Variants in ANKRD34B observed in about 807,000 individuals in gnomAD.
ANKRD34B encodes the protein ankyrin repeat domain 34B.
In ANKRD34B, 2 loss-of-function variants were observed where a neutral mutation model predicts 4.4. The ratio of observed to expected loss-of-function variants is 0.46; its 90% CI spans 0.19 to 1.44. The LOEUF is 1.44. Ranked by LOEUF, ANKRD34B falls within the 40% of genes most tolerant of loss-of-function variation. The pLI, the probability that ANKRD34B is intolerant of heterozygous loss-of-function variation, is 0.26. For missense variants in ANKRD34B, 558 were observed against 604.7 expected (o/e 0.92, Z 0.81); for synonymous variants, 226 against 227.1 (o/e 0.99, Z 0.05).
At chr5:80,561,879 T>TAGTTAG (rs141737127) in intron 4 of ANKRD34B, among the ~76,000 whole-genome samples, 3,681 of 152,184 alleles carry the variant, frequency 0.024, 150 homozygotes, top group African/African-American at 0.084. Flanking sequence ...TTTTAGCAGA[T>TAGTTAG]AGTTAGGGTT....
At position 80,556,798 on chromosome 5, in the gene ANKRD34B, A is replaced by C. The variant is rs1355739271; in HGVS notation, c.*1677T>G. 6.6e-6 allele frequency: 1 copy of C among 152,646 alleles called. No homozygotes were observed. The allele number at this position is 152,646 out of a possible 1,614,324, so 9.5% of individuals were successfully genotyped here. A position where few individuals can be genotyped will look rare whatever the true frequency, so the allele number is the denominator to read the frequency against. ...TTGATACCATTTTGTTTATGAACTA[A>C]TCTATTTACATACCCTTCCAAATTG... On this transcript the variant is annotated 3_prime_UTR_variant, in exon 5 of 5. Transcript: ENST00000338682.
At position 80,559,750 on chromosome 5, in the gene ANKRD34B, A is replaced by G; in HGVS notation, c.270T>C (p.His90=). ...CAGGGCCAGCTTTTTCTAAGCAAGCATGCATCAGAGCCGTTTTCCCAGATT... is the reference window on the plus strand; with the variant it reads ...CAGGGCCAGCTTTTTCTAAGCAAGCGTGCATCAGAGCCGTTTTCCCAGATT... The part of the protein sequence containing the change: ...QDKSGKTALM[H]ACLEKAGPEV... The change falls in exon 5 of 5, where the codon CAT becomes CAC. Residue 90 remains histidine (H), a synonymous_variant. Transcript: ENST00000338682. 1 of 1,614,228 alleles carries G rather than the reference A, an allele frequency of 6.2e-7. No individual in the cohort carries two copies. Among genetic ancestry groups the G allele is most frequent in the Non-Finnish European group, 8.5e-7 (1 of 1,180,046 alleles).
At position 80,559,612 on chromosome 5, in the gene ANKRD34B, A is replaced by G. The variant is rs779806398; in HGVS notation, c.408T>C (p.Val136=). Residue 136 remains valine (V), a synonymous_variant, in exon 5 of 5, where the codon GTT becomes GTC. Transcript: ENST00000338682. Reference sequence around the variant, plus strand: ...CTTTTGCCTTGCAAGCACTAAGAAGAACTTTCAGGGTCTCTGTATCTTCTG... The same window carrying G: ...CTTTTGCCTTGCAAGCACTAAGAAGGACTTTCAGGGTCTCTGTATCTTCTG... ...INSEDTETLK[V]LLSACKAKGK... The G allele has an allele frequency of 9.3e-6, 15 of 1,614,196 alleles. No homozygotes were observed. The South Asian group carries it at 1.4e-4, about 15-fold the overall frequency.
Position 80,559,261 on chromosome 5 carries a change from T to A in ANKRD34B, c.759A>T (p.Pro253=). ...CCACTCTGTTCTGGTGCATTAATAA[T>A]GGGGGACTCTTGACCCAGGGTGGAG... ...PHAPPWVKSP[P]LLMHQNRVAS... is the part of the protein sequence containing the mutation. The change falls in exon 5 of 5, where the codon CCA becomes CCT. Residue 253 remains proline, a synonymous_variant. Coordinates refer to ENST00000338682, the MANE Select transcript of ANKRD34B (RefSeq NM_001004441.3). The A allele has an allele frequency of 6.2e-7, 1 of 1,614,144 alleles. No individual in the cohort carries two copies. The highest frequency in any genetic ancestry group is 1.1e-5 in the South Asian group (1 of 91,084).
At position 80,559,059 on chromosome 5, in the gene ANKRD34B, C is replaced by T. The variant is rs778092043; in HGVS notation, c.961G>A (p.Glu321Lys). 4.3e-6 allele frequency: 7 copies of T among 1,614,236 alleles called. No individual in the cohort carries two copies. The highest frequency in any genetic ancestry group is 5.1e-6 in the Non-Finnish European group (6 of 1,180,042). ...QASSRKMSYD[E>K]INCQSYLSEG... Reference sequence around the variant, plus strand: ...GAAAGATAAGATTGACAATTTATTTCATCATATGACATCTTCCTTGAGCTG... The same window carrying T: ...GAAAGATAAGATTGACAATTTATTTTATCATATGACATCTTCCTTGAGCTG... Residue 321 changes from glutamate (E) to lysine (K), a missense_variant, in exon 5 of 5, where the codon GAA (glutamate) becomes AAA (lysine). By Grantham distance (56) the Glu-to-Lys change is moderately conservative. Coordinates refer to ENST00000338682, the MANE Select transcript of ANKRD34B (RefSeq NM_001004441.3).
At chr5:80,560,181 A>G in intron 4 of ANKRD34B, 139 bp from the exon 5 acceptor site, 1 of 523,192 alleles carries the variant, frequency 1.9e-6, no homozygotes, top group South Asian at 4.0e-5. Context: ...AGAACAAAAT[A>G]GTGAATTGCA....
Position 80,557,121 on chromosome 5 carries a change from C to T in ANKRD34B, c.*1354G>A, listed in dbSNP as rs1323041367. The T allele has an allele frequency of 2.0e-5, 3 of 152,510 alleles. No homozygotes were observed. Among genetic ancestry groups the T allele is most frequent in the East Asian group, 3.8e-4 (2 of 5,202 alleles). 9.4% of individuals were successfully genotyped at this position (152,510 alleles called of 1,614,324 possible). ...TACTTGGAAGGCAAAGAAAGTTGTA[C>T]GTGACAATCATCAAATTAATACACT... On this transcript the variant is annotated 3_prime_UTR_variant, in exon 5 of 5. Transcript: ENST00000338682.
At chr5:80,567,141 A>G (rs1235036406) in intron 2 of ANKRD34B, among the ~76,000 whole-genome samples, 6 of 152,138 alleles carry the variant, frequency 3.9e-5, no homozygotes, top group Admixed American at 1.3e-4. Flanking sequence ...CTTTATCTCA[A>G]TATCACCTTG....
In ANKRD34B at chr5:80,559,711, C is replaced by A. The variant is rs1746360697; in HGVS notation, c.309G>T (p.Leu103Phe). The stretch of plus-strand genomic sequence containing the variant: ...TGAGGTCAGCCCCACTCTTGAGGAG[C>A]AAGGAAACAACTTCAGGGCCAGCTT... ...LEKAGPEVVS[L>F]LLKSGADLSL... Residue 103 changes from leucine to phenylalanine, a missense_variant, in exon 5 of 5, where the codon TTG (leucine) becomes TTT (phenylalanine). Coordinates refer to ENST00000338682, the MANE Select transcript of ANKRD34B (RefSeq NM_001004441.3). 1 of 1,614,070 alleles carries A rather than the reference C, an allele frequency of 6.2e-7. No individual in the cohort carries two copies. Among genetic ancestry groups the A allele is most frequent in the African/African-American group, 1.3e-5 (1 of 74,912 alleles).
At position 80,559,169 on chromosome 5, in the gene ANKRD34B, A is replaced by G; in HGVS notation, c.851T>C (p.Leu284Pro). ...AGTGATGAACCGCTTGGAAAGTGCC[A>G]GCCCATTGGTTTTATAGGATAGTTC... ...EEELSYKTNG[L>P]ALSKRFITRH... is the part of the protein sequence containing the mutation. Residue 284 changes from leucine to proline, a missense_variant, in exon 5 of 5, where the codon CTG (leucine) becomes CCG (proline). Leu to Pro is a moderately conservative substitution (Grantham distance 98, BLOSUM62 -3). Transcript: ENST00000338682. 1 of 1,614,212 alleles carries G rather than the reference A, an allele frequency of 6.2e-7. No individual in the cohort carries two copies. Among genetic ancestry groups the G allele is most frequent in the Middle Eastern group, 1.6e-4 (1 of 6,062 alleles).
At chr5:80,565,794 T>C (rs1746547530) in intron 3 of ANKRD34B, among the ~76,000 whole-genome samples, 1 of 152,018 alleles carries the variant, frequency 6.6e-6, no homozygotes, top group Admixed American at 6.5e-5. Flanking sequence ...TAAGATGCTA[T>C]GCTTCTTCTC....
At chr5:80,562,711 T>A (rs1169537405) in intron 4 of ANKRD34B, among the ~76,000 whole-genome samples, 4 of 152,210 alleles carry the variant, frequency 2.6e-5, no homozygotes, top group Non-Finnish European at 4.4e-5. Context: ...CTTTTGAAAT[T>A]GTCTAAACAT....
Position 80,560,014 on chromosome 5 carries a change from A to G in ANKRD34B, c.6T>C (p.Asp2=), listed in dbSNP as rs767023197. The G allele has an allele frequency of 1.3e-5, 21 of 1,577,972 alleles. No homozygotes were observed. The highest frequency in any genetic ancestry group is 1.7e-5 in the Non-Finnish European group (20 of 1,161,666). The change falls in exon 5 of 5, where the codon GAT becomes GAC. Residue 2 remains aspartate (D), a synonymous_variant. Coordinates refer to ENST00000338682, the MANE Select transcript of ANKRD34B (RefSeq NM_001004441.3). ...CTTCACTTGAAATTTCCATACCTTC[A>G]TCCATCTTCGGAGGTTAGAACTCAA... M[D]EGMEISSEGN...
At chr5:80,567,868 G>C (rs941183920) in intron 2 of ANKRD34B, among the ~76,000 whole-genome samples, 1 of 152,062 alleles carries the variant, frequency 6.6e-6, no homozygotes, top group Non-Finnish European at 1.5e-5. Context: ...GTGCGTATCA[G>C]GGACCTGGGC....
Position 80,564,639 on chromosome 5 carries a change from G to A in ANKRD34B, c.-104-824C>T, listed in dbSNP as rs555336606. 9.3e-5 allele frequency among the ~76,000 whole-genome samples: 14 copies of A among 150,062 alleles called. 1 individual carries two copies. The highest frequency in any genetic ancestry group is 3.2e-4 in the African/African-American group (13 of 40,988). ...ACTGGGGGAGTGTCCAGCAAAACCAGCCCCATGAGGTTGACTTTTTCCTCA... is the reference window on the plus strand; with the variant it reads ...ACTGGGGGAGTGTCCAGCAAAACCAACCCCATGAGGTTGACTTTTTCCTCA... On this transcript the variant is annotated intron_variant, in intron 3 of 4. Coordinates refer to ENST00000338682, the MANE Select transcript of ANKRD34B (RefSeq NM_001004441.3).
chr5:80,559,493 C>G lies in ANKRD34B; in HGVS notation c.527G>C (p.Gly176Ala), dbSNP rs748751855. ...GGTGCAGGTAGCTGGGGAATGACAC[C>G]CATCTATATCCACAGGAGGCATATT... is the stretch of plus-strand genomic sequence containing the variant. Reference protein sequence around the residue: ...YLNMPPVDIDGCHSPATCTTP... With the variant: ...YLNMPPVDIDACHSPATCTTP... Residue 176 changes from glycine (G) to alanine (A), a missense_variant, in exon 5 of 5, where the codon GGG becomes GCG. Gly to Ala is a moderately conservative substitution (Grantham distance 60, BLOSUM62 0). Transcript: ENST00000338682. 6.2e-7 allele frequency: 1 copy of G among 1,614,138 alleles called. No homozygotes were observed. The highest frequency in any genetic ancestry group is 1.1e-5 in the South Asian group (1 of 91,080).
At chr5:80,569,445 G>A (rs1268858023) in intron 1 of ANKRD34B, among the ~76,000 whole-genome samples, 1 of 152,150 alleles carries the variant, frequency 6.6e-6, no homozygotes, top group Non-Finnish European at 1.5e-5. Context: ...AGAAGGGCGG[G>A]AACCGGCTGC....
At position 80,569,700 on chromosome 5, in the gene ANKRD34B, G is replaced by T. The variant is rs35073156; in HGVS notation, c.-339+454C>A. Among the ~76,000 whole-genome samples, 734 of 152,148 alleles carry T rather than the reference G, an allele frequency of 4.8e-3. 7 individuals carry two copies. The highest frequency in any genetic ancestry group is 0.017 in the African/African-American group (686 of 41,544). On this transcript the variant is annotated intron_variant, in intron 1 of 4. Coordinates refer to ENST00000338682, the MANE Select transcript of ANKRD34B (RefSeq NM_001004441.3). ...CCGACCTTCGCCCATCAGGCCCCCC[G>T]CCCCGCATCCTCCTCGACACCCCGC...
At position 80,564,763 on chromosome 5, in the gene ANKRD34B, T is replaced by G. The variant is rs947581551; in HGVS notation, c.-104-948A>C. Among the ~76,000 whole-genome samples, 3 of 138,008 alleles carry G rather than the reference T, an allele frequency of 2.2e-5. No individual in the cohort carries two copies. The Admixed American group carries it at 2.5e-4, about 12-fold the overall frequency. The allele number at this position is 138,008 out of a possible 152,430, so 90.5% of individuals were successfully genotyped here. ...TGTTGTTGCCCAGGCTGGAGTGCAA[T>G]GGCACAATCTCGGCTCACTGTAACC... On this transcript the variant is annotated intron_variant, in intron 3 of 4. Transcript: ENST00000338682.
Sources: allele counts gnomAD v4.1 joint callset (sites outside exome capture counted in the v4.1 genomes callset), GRCh38; gene constraint gnomAD v4.1.1; transcripts MANE v1.5; gene names NCBI Gene and HGNC (gene_info 2026-07-23, HGNC 2026-07-21).